MUC15: variants seen among roughly 807,000 people sequenced by gnomAD.
MUC15 encodes the protein mucin 15, cell surface associated, also known as mucin-15.
Under a neutral mutation model 24.0 loss-of-function variants are expected in MUC15, and 23 were observed. That is an observed-to-expected ratio of 0.96 (90% CI 0.69 to 1.36). The LOEUF is 1.36. Among genes scored for constraint, MUC15 ranks in the 40% most tolerant of loss-of-function variants. MUC15 has a pLI of 0.00. For missense variants in MUC15, 442 were observed against 428.2 expected, an observed-to-expected ratio of 1.03 and a Z score of -0.29; for synonymous variants, 151 against 156.3, an observed-to-expected ratio of 0.97 and a Z score of 0.25.
At chr11:26,561,619 A>G (rs979529950) in intron 4 of MUC15, among the ~76,000 whole-genome samples, 5 of 151,938 alleles carry the variant, frequency 3.3e-5, no homozygotes, top group African/African-American at 1.2e-4. Flanking sequence ...GAAGTCAATA[A>G]TTTTTAAATT....
Position 26,559,459 on chromosome 11 carries a change from AATC to A in MUC15, c.*1603_*1605del. The A allele has an allele frequency of 3.0e-6, 1 of 338,404 alleles. No individual in the cohort carries two copies. Among genetic ancestry groups the A allele is most frequent in the Non-Finnish European group, 5.4e-6 (1 of 185,896 alleles). 21.0% of individuals were successfully genotyped at this position (338,404 alleles called of 1,614,324 possible). ...TCCATAGAATGGTAGAATTATTTAT[AATC>A]AGAAATGATGGTGGGGTATAAAGGG... On this transcript the variant is annotated 3_prime_UTR_variant, in exon 5 of 5. Transcript: ENST00000529533.
intron 3 of MUC15, among the ~76,000 whole-genome samples, chr11:26,564,761 A>T (rs1291406637): frequency 0.039 from 3,736 of 94,668 alleles, 268 homozygotes; most frequent in Non-Finnish European, 0.059. Context: ...ATATATATAT[A>T]TATATATATA....
intron 4 of MUC15, among the ~76,000 whole-genome samples, chr11:26,561,848 C>T (rs865940579): frequency 1.3e-5 from 2 of 151,926 alleles, no homozygotes; most frequent in African/African-American, 4.8e-5. Context: ...CAAAGCAAAA[C>T]TGGACATGCT....
chr11:26,571,495 C>T (rs924590677), intron 1 of MUC15, among the ~76,000 whole-genome samples: 2 of 152,038 alleles, frequency 1.3e-5, no homozygotes, highest in Non-Finnish European at 2.9e-5. Flanking sequence ...TACTGTACAA[C>T]AGTTTCCCAA....
At chr11:26,569,760 T>C (rs1308276648) in intron 1 of MUC15, among the ~76,000 whole-genome samples, 2 of 152,138 alleles carry the variant, frequency 1.3e-5, no homozygotes, top group African/African-American at 4.8e-5. Context: ...CTATGTTATA[T>C]ACTTGCTTTA....
rs192585001 is a variant in MUC15 at position 26,561,533 on chromosome 11, C to T, written c.926-308G>A. Among the ~76,000 whole-genome samples, 7 of 152,034 alleles carry T rather than the reference C, an allele frequency of 4.6e-5. No homozygotes were observed. In the East Asian group the frequency reaches 1.4e-3, roughly 29 times the overall value. ...AGAAGTGTAGACCATACCTCATTGACTTTTGAATCTTGTGATTTCAAAGCC... is the reference window on the plus strand; with the variant it reads ...AGAAGTGTAGACCATACCTCATTGATTTTTGAATCTTGTGATTTCAAAGCC... On this transcript the variant is annotated intron_variant, in intron 4 of 4. Coordinates refer to ENST00000529533, the MANE Select transcript of MUC15 (RefSeq NM_001135091.2).
chr11:26,559,692 T>C lies in MUC15; in HGVS notation c.*1373A>G. 1.3e-6 allele frequency: 2 copies of C among 1,550,020 alleles called. No homozygotes were observed. The highest frequency in any genetic ancestry group is 1.8e-6 in the Non-Finnish European group (2 of 1,122,182). ...GCTTATTATAATCAATTTGCATGAC[T>C]AATATTTCTGTTTGTTTTCTACTCA... On this transcript the variant is annotated 3_prime_UTR_variant, in exon 5 of 5. Coordinates refer to ENST00000529533, the MANE Select transcript of MUC15 (RefSeq NM_001135091.2).
At chr11:26,567,877 T>C (rs1457447902) in intron 1 of MUC15, among the ~76,000 whole-genome samples, 3 of 151,988 alleles carry the variant, frequency 2.0e-5, no homozygotes, top group Non-Finnish European at 4.4e-5. Context: ...ACAAACATAA[T>C]GCACTGCTTG....
In MUC15 at chr11:26,565,572, G is replaced by A; in HGVS notation, c.368C>T (p.Ser123Phe). Residue 123 changes from serine (S) to phenylalanine (F), a missense_variant, in exon 3 of 5, where the codon TCT becomes TTT. Physicochemically the swap from Ser to Phe is radical, Grantham distance 155 (BLOSUM62 -2). Coordinates refer to ENST00000529533, the MANE Select transcript of MUC15 (RefSeq NM_001135091.2). The part of the protein sequence containing the change: ...DFSSNSSAEH[S>F]LGSLKPTSTI... ...AGATGTGGGTTTTAGACTGCCCAAA[G>A]AATGCTCTGCTGATGAGTTACTGGA... 6.2e-7 allele frequency: 1 copy of A among 1,613,364 alleles called. No homozygotes were observed. Among genetic ancestry groups the A allele is most frequent in the Non-Finnish European group, 8.5e-7 (1 of 1,179,564 alleles).
At chr11:26,569,241 C>T (rs1850722216) in intron 1 of MUC15, among the ~76,000 whole-genome samples, 1 of 152,094 alleles carries the variant, frequency 6.6e-6, no homozygotes, top group African/African-American at 2.4e-5. Flanking sequence ...TCAACACCCC[C>T]AAACGTGCGA....
In MUC15 at chr11:26,565,713, A is replaced by G; in HGVS notation, c.227T>C (p.Leu76Ser). ...TGAGTTTAAGTTTGCTTCACTTTCC[A>G]AAGAAATAGGTTTATTTTCCATTGT... The part of the protein sequence containing the change: ...FKTMENKPIS[L>S]ESEANLNSDK... The change falls in exon 3 of 5, where the codon TTG becomes TCG. Residue 76 changes from leucine to serine, a missense_variant. Transcript: ENST00000529533. 1.2e-6 allele frequency: 2 copies of G among 1,613,394 alleles called. No homozygotes were observed. The highest frequency in any genetic ancestry group is 1.7e-6 in the Non-Finnish European group (2 of 1,179,578).
At chr11:26,565,109 A>T in intron 3 of MUC15, 56 bp downstream of exon 3, 2 of 1,464,134 alleles carry the variant, frequency 1.4e-6, no homozygotes, top group Admixed American at 2.4e-5. Flanking sequence ...ACTCTGCATG[A>T]CTTATTTGGA....
At position 26,561,171 on chromosome 11, in the gene MUC15, C is replaced by T. The variant is rs1850275424; in HGVS notation, c.980G>A (p.Ser327Asn). 4.3e-6 allele frequency: 7 copies of T among 1,612,654 alleles called. No individual in the cohort carries two copies. Among genetic ancestry groups the T allele is most frequent in the Middle Eastern group, 3.3e-4 (2 of 6,058 alleles). Residue 327 changes from serine (S) to asparagine (N), a missense_variant, in exon 5 of 5, where the codon AGC becomes AAC. Coordinates refer to ENST00000529533, the MANE Select transcript of MUC15 (RefSeq NM_001135091.2). ...ATCATTCAAAGTTGGATTGTAGTAG[C>T]TAGAATTCCCAAAACTCACATCATA... ...EPYDVSFGNS[S>N]YYNPTLNDSA...
intron 3 of MUC15, among the ~76,000 whole-genome samples, chr11:26,563,515 C>T (rs2134257545): frequency 6.6e-6 from 1 of 151,096 alleles, no homozygotes; most frequent in South Asian, 2.1e-4. Flanking sequence ...CATTGAAATA[C>T]TTCTAAGTCT....
rs1850366615 is a variant in MUC15, at chr11:26,563,234, G to T, written c.807C>A (p.Ala269=). The change falls in exon 4 of 5, where the codon GCC becomes GCA. Residue 269 remains alanine (A), a synonymous_variant. Coordinates refer to ENST00000529533, the MANE Select transcript of MUC15 (RefSeq NM_001135091.2). ...ENRNTGIVFG[A]ILGAILGVSL... Reference sequence around the variant, plus strand: ...AGACACCCAGAATAGCACCTAAAATGGCCCCGAATACTATTCCTGTATTTC... The same window carrying T: ...AGACACCCAGAATAGCACCTAAAATTGCCCCGAATACTATTCCTGTATTTC... The T allele has an allele frequency of 6.2e-7, 1 of 1,608,738 alleles. No individual in the cohort carries two copies. The highest frequency in any genetic ancestry group is 1.3e-5 in the African/African-American group (1 of 74,534).
In MUC15 at chr11:26,561,200, T is replaced by C; in HGVS notation, c.951A>G (p.Glu317=). ...AATTCCCAAAACTCACATCATAAGG[T>C]TCCGGTGCATTGTCTAATCGCAGAA... ...EPVLRLDNAP[E]PYDVSFGNSS... Residue 317 remains glutamate, a synonymous_variant, in exon 5 of 5, where the codon GAA becomes GAG. Coordinates refer to ENST00000529533, the MANE Select transcript of MUC15 (RefSeq NM_001135091.2). 6.2e-7 allele frequency: 1 copy of C among 1,611,136 alleles called. No homozygotes were observed. Among genetic ancestry groups the C allele is most frequent in the African/African-American group, 1.3e-5 (1 of 74,762 alleles).
intron 3 of MUC15, 59 bp from the exon 4 acceptor site, chr11:26,563,324 A>G: frequency 1.3e-6 from 2 of 1,492,584 alleles, no homozygotes; most frequent in Non-Finnish European, 9.0e-7. Context: ...ACCGAACTCT[A>G]TGCATGTGAA....
Position 26,567,135 on chromosome 11 carries a change from A to C in MUC15, c.-41T>G. 4 of 1,422,088 alleles carry C rather than the reference A, an allele frequency of 2.8e-6. No individual in the cohort carries two copies. The highest frequency in any genetic ancestry group is 3.7e-6 in the Non-Finnish European group (4 of 1,078,810). The allele number at this position is 1,422,088 out of a possible 1,614,324, so 88.1% of individuals were successfully genotyped here. The stretch of plus-strand genomic sequence containing the variant: ...ACTGAAGCTCACAATGGCTAGTAAC[A>C]GAAGCTGGAAAATGGAAGAGGCAAT... On this transcript the variant is annotated 5_prime_UTR_variant, in exon 2 of 5. Transcript: ENST00000529533.
chr11:26,569,893 G>A (rs925622968), intron 1 of MUC15, among the ~76,000 whole-genome samples: 1 of 151,960 alleles, frequency 6.6e-6, no homozygotes, highest in Non-Finnish European at 1.5e-5. Flanking sequence ...ATTGCAGAGG[G>A]AGAGAAATCA....
Sources: gnomAD v4.1 joint callset for allele counts (sites outside exome capture counted in the v4.1 genomes callset) on GRCh38, gnomAD v4.1.1 for gene constraint, MANE v1.5 for transcripts, NCBI Gene and HGNC (gene_info 2026-07-23, HGNC 2026-07-21) for gene names.